LTBP2: variants seen among roughly 807,000 people sequenced by gnomAD.
LTBP2 encodes the protein latent-transforming growth factor beta-binding protein 2.
A neutral mutation model predicts 210.6 loss-of-function variants in LTBP2; 103 were observed. The observed-to-expected ratio is 0.49, with a 90% CI of 0.42 to 0.58. The LOEUF is 0.58. Ranked by LOEUF, LTBP2 falls within the 20% of genes least tolerant of loss-of-function variation. The pLI is 0.00. For synonymous variants in LTBP2, 1,007 were observed against 1,015.0 expected (o/e 0.99, Z 0.15); for missense variants, 2,313 against 2,494.5 (o/e 0.93, Z 1.55).
At position 74,543,560 on chromosome 14, in the gene LTBP2, T is replaced by C. The variant is rs569788826; in HGVS notation, c.1789+6303A>G. ...CTTTTTCCTCCCTCCCTCCCTTCCT[T>C]CCTCCCTTCCTTCCCCACAGTCTCA... On this transcript the variant is annotated intron_variant, in intron 8 of 35. Transcript: ENST00000261978. Among the ~76,000 whole-genome samples the C allele has an allele frequency of 5.2e-3, 776 of 149,340 alleles. 19 individuals carry two copies. Among genetic ancestry groups the C allele is most frequent in the African/African-American group, 0.018 (744 of 40,778 alleles).
Position 74,552,252 on chromosome 14 carries a change from G to A in LTBP2, c.1334C>T (p.Pro445Leu), listed in dbSNP as rs374812477. The A allele has an allele frequency of 1.9e-5, 30 of 1,613,020 alleles. No homozygotes were observed. The highest frequency in any genetic ancestry group is 2.0e-5 in the Non-Finnish European group (24 of 1,179,890). Reference protein sequence around the residue: ...DREPPGRGSRPRALLEAPLKQ... With the variant: ...DREPPGRGSRLRALLEAPLKQ... ...CAGTGGGGCTTCCAGCAAGGCCCTG[G>A]GGCGGGACCCCCTCCCTGGAGGCTC... The change falls in exon 6 of 36, where the codon CCC becomes CTC. Residue 445 changes from proline (P) to leucine (L), a missense_variant. Pro to Leu is a moderately conservative substitution (Grantham distance 98, BLOSUM62 -3). Around this residue, in one of 3 missense-constraint regions of LTBP2, gnomAD observed 1,867 missense variants for 1,976.9 expected, o/e 0.94. Coordinates refer to ENST00000261978, the MANE Select transcript of LTBP2 (RefSeq NM_000428.3).
intron 3 of LTBP2, among the ~76,000 whole-genome samples, chr14:74,580,267 T>G (rs1417078440): frequency 6.6e-6 from 1 of 152,118 alleles, no homozygotes; most frequent in Non-Finnish European, 1.5e-5. Flanking sequence ...TGTGTCCTCA[T>G]GAAGACGTGA....
intron 1 of LTBP2, among the ~76,000 whole-genome samples, chr14:74,610,106 T>G (rs1002731761): frequency 2.6e-5 from 4 of 152,366 alleles, no homozygotes; most frequent in Non-Finnish European, 5.9e-5. Flanking sequence ...GCAGGCACTA[T>G]TCTAGGCACA....
chr14:74,505,122 G>A lies in LTBP2; in HGVS notation c.4230C>T (p.Arg1410=). 1.2e-6 allele frequency: 2 copies of A among 1,613,914 alleles called. No homozygotes were observed. Among genetic ancestry groups the A allele is most frequent in the Non-Finnish European group, 1.7e-6 (2 of 1,180,040 alleles). Residue 1410 remains arginine (R), a synonymous_variant, in exon 29 of 36, where the codon CGC becomes CGT. Transcript: ENST00000261978. ...PTGDHAPAPT[R]MDCYSGQKGH... ...CCTTCTGCCCGGAGTAGCAGTCCAT[G>A]CGGGTGGGGGCCGGGGCATGGTCCC...
rs533730886 is a variant in LTBP2 at position 74,555,486 on chromosome 14, A to G, written c.1021+17T>C. On this transcript the variant is annotated intron_variant, in intron 4 of 35. Transcript: ENST00000261978. ...AGAGGCCCTGCTCTTCTAGGACCCA[A>G]GACAGGGTATCCTTACCCCAGGGGG... 1.2e-4 allele frequency: 187 copies of G among 1,612,612 alleles called. 1 individual carries two copies. The South Asian group carries it at 1.9e-3, about 17-fold the overall frequency.
At chr14:74,543,524 G>GCCTTCCTTCCCTCCCTCTTTCCTTCCTT (rs796244118) in intron 8 of LTBP2, among the ~76,000 whole-genome samples, 2 of 131,018 alleles carry the variant, frequency 1.5e-5, no homozygotes, top group African/African-American at 3.3e-5. Context: ...CTGCCTGCCT[G>GCCTTCCTTCCCTCCCTCTTTCCTTCCTT]CCTTCCCTCC....
chr14:74,567,668 C>T (rs1368370024), intron 3 of LTBP2, among the ~76,000 whole-genome samples: 1 of 152,176 alleles, frequency 6.6e-6, no homozygotes, highest in African/African-American at 2.4e-5. Flanking sequence ...GGACACAGAC[C>T]CCCAGGAGGG....
intron 13 of LTBP2, among the ~76,000 whole-genome samples, chr14:74,526,814 T>TGGGACGACACCCAGGTTTTCCC (rs1335445454): frequency 2.0e-5 from 3 of 152,180 alleles, no homozygotes; most frequent in African/African-American, 7.2e-5. Context: ...AATGTTTTCC[T>TGGGACGACACCCAGGTTTTCCC]GGGACGACAC....
intron 4 of LTBP2, 96 bp from the exon 5 acceptor site, chr14:74,553,158 A>G (rs1360660112): frequency 3.2e-5 from 39 of 1,226,570 alleles, no homozygotes; most frequent in Non-Finnish European, 4.5e-5. Flanking sequence ...CTAGGGCTGC[A>G]TTCATCTCAA....
intron 11 of LTBP2, 128 bp from the exon 12 acceptor site, chr14:74,528,826 G>A (rs1344155304): frequency 1.3e-6 from 2 of 1,512,386 alleles, no homozygotes; most frequent in East Asian, 2.4e-5. Context: ...CCCAGGTTGG[G>A]ATAAGCACGT....
intron 8 of LTBP2, among the ~76,000 whole-genome samples, chr14:74,543,985 C>T (rs187232087): frequency 5.7e-4 from 87 of 152,324 alleles, no homozygotes; most frequent in Middle Eastern, 3.4e-3. Flanking sequence ...GCCCTTCCTC[C>T]GCTCTCCGGG....
chr14:74,514,577 C>T (rs1202930661), intron 18 of LTBP2, among the ~76,000 whole-genome samples: 2 of 152,138 alleles, frequency 1.3e-5, no homozygotes, highest in Non-Finnish European at 2.9e-5. Flanking sequence ...AGGGAAGGCA[C>T]TCAGGCAGGG....
chr14:74,549,751 G>A (rs1179273049), intron 8 of LTBP2, 112 bp downstream of exon 8: 1 of 893,440 alleles, frequency 1.1e-6, no homozygotes, highest in African/African-American at 1.6e-5. Context: ...CAGTTTACCA[G>A]CCTGTTCTAC....
chr14:74,586,484 G>A lies in LTBP2; in HGVS notation c.566-366C>T, dbSNP rs140146399. The stretch of plus-strand genomic sequence containing the variant: ...CCCCTGAGGACAGACAGCGGCCCCG[G>A]AACTTTGACTAGGGATTGCCACAGA... On this transcript the variant is annotated intron_variant, in intron 2 of 35. Transcript: ENST00000261978. This position sits in a 1 kb window ranked among gnomAD's most constrained non-coding sequence, Gnocchi z 4.6. Among the ~76,000 whole-genome samples, 294 of 152,310 alleles carry A rather than the reference G, an allele frequency of 1.9e-3. No individual in the cohort carries two copies. The highest frequency in any genetic ancestry group is 5.0e-3 in the Admixed American group (76 of 15,298).
At chr14:74,594,531 C>T (rs1023190121) in intron 2 of LTBP2, among the ~76,000 whole-genome samples, 3 of 152,184 alleles carry the variant, frequency 2.0e-5, no homozygotes, top group African/African-American at 4.8e-5. Context: ...CTCCTCAGGC[C>T]GGGGCCCTGT....
At chr14:74,528,831 G>A in intron 11 of LTBP2, 127 bp downstream of exon 11, 1 of 1,510,980 alleles carries the variant, frequency 6.6e-7, no homozygotes, top group Non-Finnish European at 9.0e-7. Context: ...GTTGGGATAA[G>A]CACGTGAGCA....
chr14:74,545,758 G>A (rs1044776664), intron 8 of LTBP2, among the ~76,000 whole-genome samples: 3 of 152,220 alleles, frequency 2.0e-5, no homozygotes, highest in African/African-American at 4.8e-5. Flanking sequence ...CAGGAGGATT[G>A]AAGAGGGCTA....
intron 17 of LTBP2, among the ~76,000 whole-genome samples, chr14:74,520,276 G>A (rs187246671): frequency 1.2e-4 from 18 of 152,302 alleles, no homozygotes; most frequent in African/African-American, 4.1e-4. Flanking sequence ...TGTGTGTAAG[G>A]GAGTGTGTCT....
intron 8 of LTBP2, among the ~76,000 whole-genome samples, chr14:74,539,028 T>C (rs1047082798): frequency 1.8e-4 from 27 of 152,190 alleles, no homozygotes; most frequent in African/African-American, 6.5e-4. Flanking sequence ...GTGAACATTA[T>C]GAGGAGCAGA....
Sources: allele counts gnomAD v4.1 joint callset (sites outside exome capture counted in the v4.1 genomes callset), GRCh38; gene constraint gnomAD v4.1.1; regional missense constraint gnomAD v4.1.1; non-coding constraint Gnocchi (gnomAD v3.1); transcripts MANE v1.5; gene names NCBI Gene and HGNC (gene_info 2026-07-23, HGNC 2026-07-21).